The following MCM5 variants were observed in gnomAD, a reference collection of about 807,000 sequenced individuals.
MCM5 encodes DNA replication licensing factor MCM5.
A neutral mutation model predicts 79.9 loss-of-function variants in MCM5; 46 were observed. The observed-to-expected ratio is 0.58, with a 90% CI of 0.45 to 0.74. The LOEUF is 0.74. Among genes scored for constraint, MCM5 ranks in the 30% least tolerant of loss-of-function variants. MCM5 has a pLI of 0.00. For missense variants in MCM5, 883 were observed against 1,017.0 expected (o/e 0.87, Z 1.79); for synonymous variants, 404 against 390.5 (o/e 1.03, Z -0.41).
intron 2 of MCM5, among the ~76,000 whole-genome samples, 188 bp downstream of exon 2, chr22:35,400,793 CTTTAT>C (rs4645732): frequency 0.042 from 6,434 of 152,178 alleles, 355 homozygotes; most frequent in African/African-American, 0.12. Flanking sequence ...TTTTGTTTTA[CTTTAT>C]TTTATTTTAT....
At chr22:35,444,084 G>A in the MCM5 span, among the ~76,000 whole-genome samples, 3 of 152,212 alleles carry the variant, frequency 2.0e-5, no homozygotes, top group Non-Finnish European at 2.9e-5. Context: ...GACAGTAAAG[G>A]CTCAATCCAT....
At chr22:35,449,342 CTT>C in the MCM5 span, among the ~76,000 whole-genome samples, 10 of 152,218 alleles carry the variant, frequency 6.6e-5, no homozygotes, top group African/African-American at 2.2e-4. Context: ...GCCCAGGCTC[CTT>C]GCCCCTATCG....
chr22:35,412,699 C>T lies in MCM5; in HGVS notation c.1091+18C>T. On this transcript the variant is annotated intron_variant, in intron 8 of 16. Coordinates refer to ENST00000216122, the MANE Select transcript of MCM5 (RefSeq NM_006739.4). ...CGAAAGAGGTAGGGGCTTGAGTTCC[C>T]TTGGGTTTGGGGAGGCGGCTGATGA... 7.0e-7 allele frequency: 1 copy of T among 1,433,698 alleles called. No individual in the cohort carries two copies. The highest frequency in any genetic ancestry group is 2.5e-5 in the Admixed American group (1 of 40,060). The allele number at this position is 1,433,698 out of a possible 1,614,324, so 88.8% of individuals were successfully genotyped here.
In MCM5 at chr22:35,416,638, G is replaced by T; in HGVS notation, c.1414G>T (p.Ala472Ser). 6.2e-7 allele frequency: 1 copy of T among 1,610,772 alleles called. No homozygotes were observed. The change falls in exon 12 of 17, where the codon GCT becomes TCT. Residue 472 changes from alanine to serine, a missense_variant and splice_region_variant. Coordinates refer to ENST00000216122, the MANE Select transcript of MCM5 (RefSeq NM_006739.4). ...CTTTTCGTCGTCTGTCGCCTGTTAG[G>T]CTGGGATCACCACCACCCTGAACTC... ...MEQQTISIAK[A>S]GITTTLNSRC...
the MCM5 span, among the ~76,000 whole-genome samples, chr22:35,434,122 C>T: frequency 1.3e-5 from 2 of 152,150 alleles, no homozygotes; most frequent in African/African-American, 4.8e-5. Flanking sequence ...AGGCCTAATG[C>T]TGGAGCTGGC....
chr22:35,431,225 G>A, the MCM5 span, among the ~76,000 whole-genome samples: 5 of 152,310 alleles, frequency 3.3e-5, no homozygotes, highest in African/African-American at 1.2e-4. Flanking sequence ...CAGATCCTGG[G>A]GGATGCCTGA....
At chr22:35,442,907 T>C in the MCM5 span, among the ~76,000 whole-genome samples, 1 of 152,216 alleles carries the variant, frequency 6.6e-6, no homozygotes, top group Non-Finnish European at 1.5e-5. Flanking sequence ...ACATTGGAGA[T>C]TGGACAGTGG....
At chr22:35,437,948 C>T in the MCM5 span, among the ~76,000 whole-genome samples, 1 of 152,070 alleles carries the variant, frequency 6.6e-6, no homozygotes, top group East Asian at 1.9e-4. Context: ...AGTGACTAGT[C>T]CCAGGACACA....
the MCM5 span, among the ~76,000 whole-genome samples, chr22:35,440,946 A>C: frequency 2.0e-5 from 3 of 151,712 alleles, no homozygotes; most frequent in Non-Finnish European, 4.4e-5. Context: ...AGTCCCAGCT[A>C]CTCGGGAGTC....
At chr22:35,453,819 T>TATATATATATATATATATAGAGAG in the MCM5 span, among the ~76,000 whole-genome samples, 7 of 81,546 alleles carry the variant, frequency 8.6e-5, no homozygotes, top group Admixed American at 6.6e-4. Flanking sequence ...TATATATATA[T>TATATATATATATATATATAGAGAG]AGAGAGAGAG....
At chr22:35,452,348 G>T in the MCM5 span, among the ~76,000 whole-genome samples, 2 of 152,158 alleles carry the variant, frequency 1.3e-5, no homozygotes, top group East Asian at 3.9e-4. Flanking sequence ...CCCTGGAACC[G>T]TGTGGTGTTT....
Position 35,421,352 on chromosome 22 carries a change from C to T in MCM5, c.1867C>T (p.Leu623Phe). The T allele has an allele frequency of 6.2e-7, 1 of 1,613,970 alleles. No homozygotes were observed. Among genetic ancestry groups the T allele is most frequent in the East Asian group, 2.2e-5 (1 of 44,878 alleles). The change falls in exon 15 of 17, where the codon CTC (leucine) becomes TTC (phenylalanine). Residue 623 changes from leucine to phenylalanine, a missense_variant. Around this residue, in one of 3 missense-constraint regions of MCM5, gnomAD observed 426 missense variants for 482.3 expected, o/e 0.88. Transcript: ENST00000216122. ...LEAIVRIAEALSKMKLQPFAT... is the reference protein window; with the variant it reads ...LEAIVRIAEAFSKMKLQPFAT... ...GGCCATTGTGCGCATCGCGGAAGCCCTCAGCAAGATGAAGCTGCAGCCCTT... is the reference window on the plus strand; with the variant it reads ...GGCCATTGTGCGCATCGCGGAAGCCTTCAGCAAGATGAAGCTGCAGCCCTT...
chr22:35,416,092 G>A (rs772401717), intron 10 of MCM5, 120 bp downstream of exon 10: 17 of 1,274,024 alleles, frequency 1.3e-5, no homozygotes, highest in South Asian at 6.7e-5. Flanking sequence ...TCCCTGGGCC[G>A]GTCACTCTAG....
chr22:35,403,615 GT>G, intron 4 of MCM5, 73 bp downstream of exon 4: 1 of 1,562,828 alleles, frequency 6.4e-7, no homozygotes, highest in Non-Finnish European at 8.7e-7. Context: ...TGCTAGCTGT[GT>G]GGCCTTGAGT....
the MCM5 span, among the ~76,000 whole-genome samples, chr22:35,436,126 T>C: frequency 7.2e-6 from 1 of 138,088 alleles, no homozygotes; most frequent in Non-Finnish European, 1.5e-5. Flanking sequence ...ATCGCACCAC[T>C]GCACTCCAGC....
chr22:35,437,273 T>C, the MCM5 span, among the ~76,000 whole-genome samples: 1 of 152,222 alleles, frequency 6.6e-6, no homozygotes, highest in African/African-American at 2.4e-5. Flanking sequence ...GGCCTAAGGA[T>C]TGGCTCCTGG....
chr22:35,452,564 G>A, the MCM5 span, among the ~76,000 whole-genome samples: 2 of 152,186 alleles, frequency 1.3e-5, no homozygotes, highest in African/African-American at 2.4e-5. Flanking sequence ...AATACCATGC[G>A]GAAACGTCTG....
Position 35,420,030 on chromosome 22 carries a change from G to A in MCM5, c.1832+18G>A. ...ACTGTGCGGTGAGCAGGCGGGCAGG[G>A]CTGGGCCATGGCAGATGGGGCTTGC... On this transcript the variant is annotated intron_variant, in intron 14 of 16. Transcript: ENST00000216122. 2 of 1,595,724 alleles carry A rather than the reference G, an allele frequency of 1.3e-6. No homozygotes were observed.
At chr22:35,416,124 C>G in intron 10 of MCM5, 152 bp downstream of exon 10, 2 of 1,056,298 alleles carry the variant, frequency 1.9e-6, no homozygotes, top group Non-Finnish European at 2.8e-6. Flanking sequence ...AGCTGCTTAA[C>G]CTCTTCAAGC....
Sources: gnomAD v4.1 joint callset for allele counts (sites outside exome capture counted in the v4.1 genomes callset) on GRCh38, gnomAD v4.1.1 for gene constraint, gnomAD v4.1.1 regional missense constraint, MANE v1.5 for transcripts, NCBI Gene and HGNC (gene_info 2026-07-23, HGNC 2026-07-21) for gene names.